Variants in PCDHA3 observed in about 807,000 individuals in gnomAD.
PCDHA3 encodes protocadherin alpha-3.
PCDHA3 carries 41 observed loss-of-function variants against 62.2 expected under a neutral mutation model. That is an observed-to-expected ratio of 0.66 (90% CI 0.51 to 0.86). The LOEUF (loss-of-function observed/expected upper bound fraction) is 0.86, where lower values mean the gene tolerates loss of function less well. Ranked by LOEUF, PCDHA3 falls within the 40% of genes least tolerant of loss-of-function variation. The pLI is 0.00. For synonymous variants in PCDHA3, 640 were observed against 555.4 expected (o/e 1.15, Z -2.14); for missense variants, 1,304 against 1,241.2 (o/e 1.05, Z -0.76).
chr5:140,994,249 G>A (rs17119346), intron 3 of PCDHA3, among the ~76,000 whole-genome samples: 45,238 of 152,008 alleles, frequency 0.3, 6,962 homozygotes, highest in East Asian at 0.43. Flanking sequence ...CAAACCCTAG[G>A]TAAATAAGGT....
At chr5:140,852,952 C>A in intron 1 of PCDHA3, 1 of 475,904 alleles carries the variant, frequency 2.1e-6, no homozygotes, top group Non-Finnish European at 2.8e-6. Context: ...CATCTTGGCT[C>A]ACTCCAAGCT....
At chr5:140,835,666 G>A in intron 1 of PCDHA3, 3 of 1,613,936 alleles carry the variant, frequency 1.9e-6, no homozygotes, top group Middle Eastern at 3.3e-4. Flanking sequence ...GTTACCGCGC[G>A]GGACGGGGGC....
chr5:140,974,945 A>G (rs2096646889), intron 1 of PCDHA3, among the ~76,000 whole-genome samples: 1 of 152,180 alleles, frequency 6.6e-6, no homozygotes, highest in African/African-American at 2.4e-5. Flanking sequence ...CCTATTTGTT[A>G]TCTCACAGTC....
chr5:140,805,655 TC>T, intron 1 of PCDHA3: 1 of 847,844 alleles, frequency 1.2e-6, no homozygotes, highest in Non-Finnish European at 1.4e-6. Flanking sequence ...AAGTCTTCAT[TC>T]CCCATTAATA....
At chr5:140,926,362 C>G (rs1199629040) in intron 1 of PCDHA3, 4 of 152,268 alleles carry the variant, frequency 2.6e-5, no homozygotes, top group African/African-American at 9.7e-5. Context: ...TCCCAAAGGG[C>G]GGCAGGAAGA....
At chr5:140,990,129 A>G (rs868941506) in intron 3 of PCDHA3, among the ~76,000 whole-genome samples, 6 of 152,296 alleles carry the variant, frequency 3.9e-5, no homozygotes, top group Middle Eastern at 3.4e-3. Flanking sequence ...TGTAGAAGTC[A>G]GACTCAAGAG....
intron 1 of PCDHA3, chr5:140,968,844 G>A: frequency 1.2e-6 from 2 of 1,614,210 alleles, no homozygotes; most frequent in African/African-American, 1.3e-5. Context: ...GACACTCAGA[G>A]GCATGTTAAG....
intron 1 of PCDHA3, among the ~76,000 whole-genome samples, chr5:140,958,853 G>T (rs897789588): frequency 1.3e-5 from 2 of 151,804 alleles, no homozygotes; most frequent in Non-Finnish European, 2.9e-5. Context: ...AGTGTCTTTG[G>T]TTTACTGGGT....
intron 1 of PCDHA3, among the ~76,000 whole-genome samples, chr5:140,896,285 G>T (rs1392495241): frequency 1.3e-5 from 2 of 152,202 alleles, no homozygotes; most frequent in African/African-American, 2.4e-5. Context: ...GGCTTGAATG[G>T]TAAGTTCTTT....
Position 140,852,025 on chromosome 5 carries a change from G to A in PCDHA3, c.2394+48434G>A, listed in dbSNP as rs955032010. 1.9e-4 allele frequency: 179 copies of A among 947,094 alleles called. 7 individuals are homozygous for A. The highest frequency in any genetic ancestry group is 4.5e-4 in the African/African-American group (25 of 55,960). The allele number at this position is 947,094 out of a possible 1,614,324, so 58.7% of individuals were successfully genotyped here. A position where few individuals can be genotyped will look rare whatever the true frequency, so the allele number is the denominator to read the frequency against. On this transcript the variant is annotated intron_variant, in intron 1 of 3. Coordinates refer to ENST00000522353, the MANE Select transcript of PCDHA3 (RefSeq NM_018906.3). ...TCTAATTTATAGTTTTAAAAACTTC[G>A]CTTATTGAGTTTTTGTTATGTGGTT...
chr5:140,983,359 A>G (rs1310994731), intron 3 of PCDHA3, among the ~76,000 whole-genome samples: 1 of 152,254 alleles, frequency 6.6e-6, no homozygotes, highest in African/African-American at 2.4e-5. Flanking sequence ...TAATAGAAAT[A>G]TGGCTTTGGA....
At chr5:140,928,122 A>C in intron 1 of PCDHA3, 1 of 1,614,196 alleles carries the variant, frequency 6.2e-7, no homozygotes, top group Non-Finnish European at 8.5e-7. Context: ...AGATCAGTGA[A>C]TACCAAGTCC....
At chr5:140,857,399 G>C (rs375062704) in intron 1 of PCDHA3, 4 of 1,598,394 alleles carry the variant, frequency 2.5e-6, no homozygotes, top group Admixed American at 3.4e-5. Flanking sequence ...GAACGACAAC[G>C]CGCCTGCGTT....
chr5:140,962,569 T>A (rs782016565), intron 1 of PCDHA3, among the ~76,000 whole-genome samples: 17 of 152,194 alleles, frequency 1.1e-4, no homozygotes, highest in African/African-American at 1.7e-4. Context: ...TAAAAGCCAA[T>A]TGTTAATGCC....
At chr5:140,813,468 T>C (rs1480413491) in intron 1 of PCDHA3, 3 of 152,214 alleles carry the variant, frequency 2.0e-5, no homozygotes, top group Admixed American at 1.3e-4. Flanking sequence ...AGTATTTGTA[T>C]ACCTAAATAT....
intron 1 of PCDHA3, among the ~76,000 whole-genome samples, chr5:140,891,471 C>T (rs1239816606): frequency 6.6e-6 from 1 of 151,474 alleles, no homozygotes; most frequent in Non-Finnish European, 1.5e-5. Flanking sequence ...GAATTAATGC[C>T]TTTACATCAC....
At chr5:140,867,175 C>T (rs782419499) in intron 1 of PCDHA3, 5 of 152,056 alleles carry the variant, frequency 3.3e-5, no homozygotes, top group Admixed American at 1.3e-4. Context: ...GGTTCATTTC[C>T]CTACCTCGCA....
chr5:140,913,526 A>T (rs1171997127), intron 1 of PCDHA3, among the ~76,000 whole-genome samples: 1 of 151,968 alleles, frequency 6.6e-6, no homozygotes, highest in Non-Finnish European at 1.5e-5. Flanking sequence ...TTATCTTTTC[A>T]AAAGATTGAC....
chr5:140,968,083 G>A (rs1298667830), intron 1 of PCDHA3: 1 of 1,614,006 alleles, frequency 6.2e-7, no homozygotes, highest in Non-Finnish European at 8.5e-7. Flanking sequence ...ACATCACGGT[G>A]ACAGCCACAG....
Sources: allele counts gnomAD v4.1 joint callset (sites outside exome capture counted in the v4.1 genomes callset), GRCh38; gene constraint gnomAD v4.1.1; transcripts MANE v1.5; gene names NCBI Gene and HGNC (gene_info 2026-07-23, HGNC 2026-07-21).